The following GPM6B variants were observed in gnomAD, a reference collection of about 807,000 sequenced individuals.
The protein encoded by GPM6B is glycoprotein M6B.
GPM6B carries 4 observed loss-of-function variants against 27.2 expected under a neutral mutation model. The observed-to-expected ratio is 0.15, with a 90% CI of 0.07 to 0.34. The LOEUF is 0.34. Ranked by LOEUF, GPM6B falls within the 10% of genes least tolerant of loss-of-function variation. The pLI is 1.00. For missense variants in GPM6B, 183 were observed against 261.9 expected (o/e 0.70, Z 2.08); for synonymous variants, 124 against 103.1 (o/e 1.20, Z -1.23).
At chrX:13,911,078 T>A (rs886687052) in intron 1 of GPM6B, among the ~76,000 whole-genome samples, 6 of 112,240 alleles carry the variant, frequency 5.3e-5, no homozygotes, top group Non-Finnish European at 9.4e-5. Flanking sequence ...GTTTTTCAGA[T>A]CAGAAAATCA....
chrX:13,936,439 G>C (rs923409436), intron 1 of GPM6B, among the ~76,000 whole-genome samples: 1 of 111,670 alleles, frequency 9.0e-6, no homozygotes, highest in African/African-American at 3.3e-5. Context: ...CCAAAGTCCC[G>C]ACTTAATGGG....
chrX:13,863,039 T>TA (rs2049870816), intron 1 of GPM6B, among the ~76,000 whole-genome samples: 1 of 111,448 alleles, frequency 9.0e-6, no homozygotes, highest in Non-Finnish European at 1.9e-5. Flanking sequence ...GAAAGACACA[T>TA]AACCTTAAAA....
At chrX:13,818,316 C>A (rs1157523401), upstream of GPM6B, among the ~76,000 whole-genome samples, 3 of 111,977 alleles carry the variant, frequency 2.7e-5, no homozygotes, top group Non-Finnish European at 3.8e-5. Flanking sequence ...ATCTTGGAAG[C>A]AAACATAAAG....
At chrX:13,904,252 G>C (rs2050308283) in intron 1 of GPM6B, among the ~76,000 whole-genome samples, 2 of 111,913 alleles carry the variant, frequency 1.8e-5, no homozygotes, top group Non-Finnish European at 3.8e-5. Flanking sequence ...CCAAAGTAGT[G>C]ATGAGTTTAA....
At chrX:13,807,801 C>G (rs756340081) in intron 1 of GPM6B, 32 bp from the exon 2 acceptor site, 1 of 1,156,225 alleles carries the variant, frequency 8.6e-7, no homozygotes, top group Admixed American at 2.3e-5. Context: ...GAGTCAGTGT[C>G]TCTATCTCCA....
chrX:13,927,485 G>A (rs1461855076), intron 1 of GPM6B, among the ~76,000 whole-genome samples: 3 of 112,687 alleles, frequency 2.7e-5, no homozygotes, highest in African/African-American at 9.7e-5. Flanking sequence ...AAAGTCAACT[G>A]GCAAACCACA....
chrX:13,913,907 A>G (rs1245369460), intron 1 of GPM6B, among the ~76,000 whole-genome samples: 1 of 110,551 alleles, frequency 9.0e-6, no homozygotes, highest in Non-Finnish European at 1.9e-5. Context: ...ATGTGCCAAC[A>G]TGCCTGGCTA....
At chrX:13,894,177 G>A (rs2050212284) in intron 1 of GPM6B, among the ~76,000 whole-genome samples, 1 of 111,904 alleles carries the variant, frequency 8.9e-6, no homozygotes, top group Non-Finnish European at 1.9e-5. Flanking sequence ...AGACAGGGAA[G>A]CAAAGCCCAG....
intron 1 of GPM6B, among the ~76,000 whole-genome samples, chrX:13,879,568 A>G (rs2050073175): frequency 8.9e-6 from 1 of 112,311 alleles, no homozygotes; most frequent in African/African-American, 3.2e-5. Flanking sequence ...CATCCAACAA[A>G]AGAACCTAAA....
chrX:13,879,622 CTT>C (rs2050073755), intron 1 of GPM6B, among the ~76,000 whole-genome samples: 1 of 112,351 alleles, frequency 8.9e-6, no homozygotes, highest in South Asian at 3.7e-4. Context: ...GGTTCAAACA[CTT>C]GATTCCAAAA....
chrX:13,915,575 C>T (rs1382361030), intron 1 of GPM6B, among the ~76,000 whole-genome samples: 1 of 112,662 alleles, frequency 8.9e-6, no homozygotes, highest in Admixed American at 9.4e-5. Flanking sequence ...CTTGCCACTC[C>T]CTAGCCATGT....
At chrX:13,804,365 G>C (rs1020171844) in intron 2 of GPM6B, among the ~76,000 whole-genome samples, 1 of 91,998 alleles carries the variant, frequency 1.1e-5, no homozygotes, top group Admixed American at 1.4e-4. Flanking sequence ...TCGCTTGCCT[G>C]CATCTCAGAC....
intron 1 of GPM6B, among the ~76,000 whole-genome samples, chrX:13,837,345 G>A (rs932280401): frequency 1.4e-4 from 16 of 111,516 alleles, no homozygotes; most frequent in Admixed American, 4.7e-4. Flanking sequence ...CCACCCTGGC[G>A]TGTTTATTCA....
chrX:13,871,079 AAAAACAAAACAAAAC>A (rs1555924628), intron 1 of GPM6B, among the ~76,000 whole-genome samples: 3 of 85,405 alleles, frequency 3.5e-5, no homozygotes, highest in Admixed American at 1.4e-4. Context: ...AAACAAAAAC[AAAAACAAAACAAAAC>A]AAAACAAAAC....
intron 1 of GPM6B, among the ~76,000 whole-genome samples, chrX:13,904,089 A>G (rs2147048260): frequency 8.9e-6 from 1 of 111,931 alleles, no homozygotes; most frequent in Admixed American, 9.5e-5. Flanking sequence ...AAAAATATAC[A>G]TAGCATTAGA....
chrX:13,813,998 AACAC>A (rs745764327), intron 1 of GPM6B, among the ~76,000 whole-genome samples: 1 of 112,101 alleles, frequency 8.9e-6, no homozygotes, highest in African/African-American at 3.2e-5. Flanking sequence ...AGACTGAAAA[AACAC>A]AAATGCTTTC....
intron 3 of GPM6B, among the ~76,000 whole-genome samples, chrX:13,785,343 C>T (rs747444079): frequency 5.4e-4 from 60 of 111,555 alleles, no homozygotes; most frequent in Non-Finnish European, 6.2e-4. Context: ...GTTGCCATCT[C>T]GGCTCACCAG....
At chrX:13,842,904 T>A (rs1036140256) in intron 1 of GPM6B, among the ~76,000 whole-genome samples, 1 of 111,664 alleles carries the variant, frequency 9.0e-6, no homozygotes, top group African/African-American at 3.3e-5. Flanking sequence ...AAGCCAAAAC[T>A]CATTTTTTTA....
intron 5 of GPM6B, among the ~76,000 whole-genome samples, chrX:13,779,232 C>T (rs1401241558): frequency 8.9e-6 from 1 of 111,759 alleles, no homozygotes; most frequent in Non-Finnish European, 1.9e-5. Context: ...ACCTTAGATC[C>T]CCATTGTAAG....
Sources: allele counts gnomAD v4.1 joint callset (sites outside exome capture counted in the v4.1 genomes callset), GRCh38; gene constraint gnomAD v4.1.1; transcripts MANE v1.5; gene names NCBI Gene and HGNC (gene_info 2026-07-23, HGNC 2026-07-21).